Variants in FAT4 observed in about 807,000 individuals in gnomAD.
FAT4 encodes protocadherin Fat 4.
In FAT4, 84 loss-of-function variants were observed where a neutral mutation model predicts 303.9. That is an observed-to-expected ratio of 0.28 (90% CI 0.23 to 0.33). The LOEUF (loss-of-function observed/expected upper bound fraction) is 0.33. FAT4 is among the 10% of genes least tolerant of loss of function. The pLI is 1.00. For missense variants in FAT4, 6,005 were observed against 6,146.8 expected (o/e 0.98, Z 0.77); for synonymous variants, 2,307 against 2,298.8 (o/e 1.00, Z -0.10).
At chr4:125,344,480 T>A (rs1413664586) in intron 2 of FAT4, among the ~76,000 whole-genome samples, 1 of 152,122 alleles carries the variant, frequency 6.6e-6, no homozygotes, top group Non-Finnish European at 1.5e-5. Flanking sequence ...CAATTCCCCA[T>A]GTTGAAATAC....
chr4:125,361,332 G>T (rs2125985060), intron 2 of FAT4, among the ~76,000 whole-genome samples: 1 of 152,262 alleles, frequency 6.6e-6, no homozygotes, highest in Admixed American at 6.5e-5. Flanking sequence ...GGTACAAGGG[G>T]AATAAAAAGA....
At chr4:125,339,905 A>C (rs1461227876) in intron 2 of FAT4, among the ~76,000 whole-genome samples, 1 of 152,168 alleles carries the variant, frequency 6.6e-6, no homozygotes, top group African/African-American at 2.4e-5. Context: ...CTATAATATA[A>C]TTGTATAGTT....
At chr4:125,444,741 C>T (rs1355415892) in intron 8 of FAT4, among the ~76,000 whole-genome samples, 1 of 151,862 alleles carries the variant, frequency 6.6e-6, no homozygotes, top group Admixed American at 6.6e-5. Flanking sequence ...AACCTTGATC[C>T]TTGCCATTAT....
intron 8 of FAT4, among the ~76,000 whole-genome samples, chr4:125,440,091 A>G (rs1560609268): frequency 1.3e-5 from 2 of 152,118 alleles, no homozygotes. Context: ...TTCTCATATC[A>G]TCTTTTTTAC....
intron 3 of FAT4, among the ~76,000 whole-genome samples, chr4:125,406,280 C>T (rs975709066): frequency 2.0e-5 from 3 of 152,162 alleles, no homozygotes; most frequent in Non-Finnish European, 4.4e-5. Context: ...ATATCCTTGG[C>T]ACCCTTATGG....
rs766295190 is a variant in FAT4 at position 125,449,017 on chromosome 4, A to T, written c.8007A>T (p.Pro2669=). ...TATTAGATGTCAATGATAATGCCCC[A>T]ATTTTTAAGGAAGACCCATTTATAT... ...ITVLDVNDNA[P]IFKEDPFISE... The change falls in exon 10 of 18, where the codon CCA becomes CCT. Residue 2669 remains proline, a synonymous_variant. Transcript: ENST00000394329. 6.2e-7 allele frequency: 1 copy of T among 1,613,660 alleles called. No homozygotes were observed. Among genetic ancestry groups the T allele is most frequent in the Non-Finnish European group, 8.5e-7 (1 of 1,179,850 alleles).
chr4:125,415,549 G>T lies in FAT4; in HGVS notation c.6586G>T (p.Gly2196Cys), dbSNP rs779072662. Residue 2196 changes from glycine (G) to cysteine (C), a missense_variant, in exon 6 of 18, where the codon GGT becomes TGT. Transcript: ENST00000394329. Reference sequence around the variant, plus strand: ...ACAGGTTCGCTATGGCATTGTTAATGGTAATACCAATCAGGAATTTCGGAT... The same window carrying T: ...ACAGGTTCGCTATGGCATTGTTAATTGTAATACCAATCAGGAATTTCGGAT... ...NGQVRYGIVN[G>C]NTNQEFRIDS... 3 of 1,614,076 alleles carry T rather than the reference G, an allele frequency of 1.9e-6. No homozygotes were observed. The Admixed American group carries it at 5.0e-5, about 27-fold the overall frequency.
At chr4:125,457,644 T>A (rs1055783526) in intron 10 of FAT4, among the ~76,000 whole-genome samples, 85 of 152,134 alleles carry the variant, frequency 5.6e-4, no homozygotes, top group Admixed American at 2.6e-3. Context: ...AATATCACCA[T>A]ATGAAGCTTT....
Position 125,316,606 on chromosome 4 carries a change from G to A in FAT4, c.195G>A (p.Gln65=). Residue 65 remains glutamine (Q), a synonymous_variant, in exon 2 of 18, where the codon CAG becomes CAA. Coordinates refer to ENST00000394329, the MANE Select transcript of FAT4 (RefSeq NM_001291303.3). The surrounding 1 kb of genome is among the most constrained non-coding windows in gnomAD (Gnocchi z 5.7). ...CAGGCACTCTGGTAGGCACCATCCA[G>A]ACGCGCCCCGGCTTCACCTACAGGC... is the stretch of plus-strand genomic sequence containing the variant. ...QPPGTLVGTI[Q]TRPGFTYRLS... is the part of the protein sequence containing the mutation. 1.2e-6 allele frequency: 2 copies of A among 1,613,948 alleles called. No homozygotes were observed. Among genetic ancestry groups the A allele is most frequent in the Non-Finnish European group, 1.7e-6 (2 of 1,180,038 alleles).
At chr4:125,359,975 C>T (rs17193280) in intron 2 of FAT4, among the ~76,000 whole-genome samples, 43,122 of 151,948 alleles carry the variant, frequency 0.28, 7,579 homozygotes, top group Non-Finnish European at 0.39. Context: ...GGATTCCACT[C>T]GCCCAAATTC....
At chr4:125,358,966 T>C (rs1732542673) in intron 2 of FAT4, among the ~76,000 whole-genome samples, 1 of 152,218 alleles carries the variant, frequency 6.6e-6, no homozygotes, top group Admixed American at 6.6e-5. Flanking sequence ...ATACAAAACA[T>C]GATTACCTTA....
At position 125,491,555 on chromosome 4, in the gene FAT4, C is replaced by G. The variant is rs1298149230; in HGVS notation, c.14739C>G (p.Gly4913=). 11 of 1,614,024 alleles carry G rather than the reference C, an allele frequency of 6.8e-6. No individual in the cohort carries two copies. The highest frequency in any genetic ancestry group is 9.3e-6 in the Non-Finnish European group (11 of 1,180,026). Reference sequence around the variant, plus strand: ...TGGGCACCCAGGCAGCAGCACCAGGCACTGCTGACAACACACTGCCCATGA... The same window carrying G: ...TGGGCACCCAGGCAGCAGCACCAGGGACTGCTGACAACACACTGCCCATGA... ...GPVGTQAAAP[G]TADNTLPMKL... Residue 4913 remains glycine (G), a synonymous_variant, in exon 18 of 18, where the codon GGC becomes GGG. Coordinates refer to ENST00000394329, the MANE Select transcript of FAT4 (RefSeq NM_001291303.3).
chr4:125,335,879 A>T (rs1401363556), intron 2 of FAT4, among the ~76,000 whole-genome samples: 1 of 152,094 alleles, frequency 6.6e-6, no homozygotes, highest in Non-Finnish European at 1.5e-5. Flanking sequence ...CCAATCCCTT[A>T]ATAAGTGTTG....
intron 10 of FAT4, among the ~76,000 whole-genome samples, chr4:125,458,688 T>G (rs1726379245): frequency 6.6e-6 from 1 of 151,986 alleles, no homozygotes; most frequent in African/African-American, 2.4e-5. Flanking sequence ...AAGCATATAT[T>G]TATAAGCTTA....
chr4:125,371,148 C>CAAAAAAAAAAAAAAAAAAAAAA (rs1197394937), intron 2 of FAT4, among the ~76,000 whole-genome samples: 1 of 98,018 alleles, frequency 1.0e-5, no homozygotes, highest in Non-Finnish European at 2.0e-5. Context: ...AACTCCATCT[C>CAAAAAAAAAAAAAAAAAAAAAA]AAAAAAAAAA....
intron 12 of FAT4, among the ~76,000 whole-genome samples, chr4:125,472,489 A>T (rs1410775610): frequency 3.9e-5 from 6 of 152,140 alleles, no homozygotes; most frequent in African/African-American, 1.4e-4. Context: ...AAATTTATGC[A>T]ATCTATAATT....
intron 2 of FAT4, among the ~76,000 whole-genome samples, chr4:125,372,909 C>A (rs1387247183): frequency 1.3e-5 from 2 of 152,144 alleles, no homozygotes; most frequent in African/African-American, 4.8e-5. Flanking sequence ...GAATTTAATA[C>A]TAACAGTCTA....
In FAT4 at chr4:125,491,315, T is replaced by C; in HGVS notation, c.14499T>C (p.Asp4833=). Residue 4833 remains aspartate, a synonymous_variant, in exon 18 of 18, where the codon GAT becomes GAC. Transcript: ENST00000394329. ...TGTCTAGAACAAGGAATCCAGCGGA[T>C]GGCATTCCAGCTCCAGAATCCTCTT... The part of the protein sequence containing the change: ...RPLSRTRNPA[D]GIPAPESSSD... The C allele has an allele frequency of 6.2e-7, 1 of 1,614,194 alleles. No individual in the cohort carries two copies. The highest frequency in any genetic ancestry group is 8.5e-7 in the Non-Finnish European group (1 of 1,180,036).
Position 125,450,136 on chromosome 4 carries a change from G to T in FAT4, c.9126G>T (p.Trp3042Cys). 1 of 1,613,704 alleles carries T rather than the reference G, an allele frequency of 6.2e-7. No individual in the cohort carries two copies. Among genetic ancestry groups the T allele is most frequent in the Non-Finnish European group, 8.5e-7 (1 of 1,179,954 alleles). The change falls in exon 10 of 18, where the codon TGG becomes TGT. Residue 3042 changes from tryptophan to cysteine, a missense_variant. Trp to Cys is a radical substitution (Grantham distance 215, BLOSUM62 -2). Transcript: ENST00000394329. ...GKFKLDNDTG[W>C]ISVASSLISD... Reference sequence around the variant, plus strand: ...TTAAGTTGGACAATGATACGGGGTGGATTTCAGTAGCATCCTCCCTGATTT... The same window carrying T: ...TTAAGTTGGACAATGATACGGGGTGTATTTCAGTAGCATCCTCCCTGATTT...
Sources: allele counts gnomAD v4.1 joint callset (sites outside exome capture counted in the v4.1 genomes callset), GRCh38; gene constraint gnomAD v4.1.1; non-coding constraint Gnocchi (gnomAD v3.1); transcripts MANE v1.5; gene names NCBI Gene and HGNC (gene_info 2026-07-23, HGNC 2026-07-21).